The following PAG1 variants were observed in gnomAD, a reference collection of about 807,000 sequenced individuals.
PAG1 encodes the protein phosphoprotein membrane anchor with glycosphingolipid microdomains 1, also known as phosphoprotein associated with glycosphingolipid-enriched microdomains 1.
PAG1 carries 23 observed loss-of-function variants against 31.7 expected under a neutral mutation model. The observed-to-expected ratio is 0.73, with a 90% CI of 0.52 to 1.03. The LOEUF is 1.03. Among genes scored for constraint, PAG1 ranks in the 50% least tolerant of loss-of-function variants. The probability of loss-of-function intolerance (pLI) is 0.00; values close to 1 mark genes in which losing one functional copy is unlikely to be tolerated. For synonymous variants in PAG1, 214 were observed against 210.3 expected (o/e 1.02, Z -0.15); for missense variants, 473 against 540.7 (o/e 0.87, Z 1.24).
Position 80,969,264 on chromosome 8 carries a change from G to A in PAG1, c.*7280C>T, listed in dbSNP as rs1246232046. 1 of 152,118 alleles carries A rather than the reference G, an allele frequency of 6.6e-6. No individual in the cohort carries two copies. The highest frequency in any genetic ancestry group is 1.5e-5 in the Non-Finnish European group (1 of 68,024). The allele number at this position is 152,118 out of a possible 1,614,324, so 9.4% of individuals were successfully genotyped here. A position where few individuals can be genotyped will look rare whatever the true frequency, so the allele number is the denominator to read the frequency against. On this transcript the variant is annotated 3_prime_UTR_variant, in exon 9 of 9. Transcript: ENST00000220597. The stretch of plus-strand genomic sequence containing the variant: ...AAAAAAGCAAGCATGCTTAAGGGAT[G>A]GGTCATGAACACCACATCAGGTTCA...
At chr8:81,021,930 C>G (rs1354701540) in intron 3 of PAG1, among the ~76,000 whole-genome samples, 1 of 152,168 alleles carries the variant, frequency 6.6e-6, no homozygotes, top group Non-Finnish European at 1.5e-5. Flanking sequence ...TCACCATTTA[C>G]TTTAGAGGAG....
chr8:81,017,126 T>C (rs1490761011), intron 3 of PAG1, among the ~76,000 whole-genome samples: 2 of 152,204 alleles, frequency 1.3e-5, no homozygotes, highest in East Asian at 3.8e-4. Flanking sequence ...TAAATACATG[T>C]TCATCTAAAG....
chr8:81,070,471 T>C (rs2130966139), intron 1 of PAG1, among the ~76,000 whole-genome samples: 1 of 152,338 alleles, frequency 6.6e-6, no homozygotes, highest in Non-Finnish European at 1.5e-5. Context: ...ATTATGTCCA[T>C]ACTTCGTTTT....
chr8:81,068,080 A>G (rs989899115), intron 2 of PAG1, among the ~76,000 whole-genome samples: 2 of 152,088 alleles, frequency 1.3e-5, no homozygotes, highest in Non-Finnish European at 1.5e-5. Context: ...TATTTTTAGT[A>G]AAGACGGGGT....
chr8:81,004,879 C>T (rs762635476), intron 3 of PAG1, among the ~76,000 whole-genome samples: 7 of 152,182 alleles, frequency 4.6e-5, no homozygotes, highest in Non-Finnish European at 7.4e-5. Flanking sequence ...CTCCCTCCCA[C>T]GCATGCACTT....
chr8:81,034,409 G>A (rs142821269), intron 2 of PAG1, among the ~76,000 whole-genome samples: 3 of 152,274 alleles, frequency 2.0e-5, no homozygotes, highest in East Asian at 1.9e-4. Flanking sequence ...TAGGATTACC[G>A]GCTGCTCATG....
intron 2 of PAG1, among the ~76,000 whole-genome samples, chr8:81,033,123 T>A (rs997426338): frequency 1.3e-5 from 2 of 152,332 alleles, no homozygotes; most frequent in Admixed American, 1.3e-4. Flanking sequence ...TTGTATGGTA[T>A]GTGAATTGCA....
At chr8:81,079,742 C>G (rs1435552533) in intron 1 of PAG1, among the ~76,000 whole-genome samples, 1 of 151,934 alleles carries the variant, frequency 6.6e-6, no homozygotes, top group Non-Finnish European at 1.5e-5. Context: ...GTATCGCATG[C>G]CATGAAGCAA....
At chr8:81,043,682 C>A (rs1808592684) in intron 2 of PAG1, among the ~76,000 whole-genome samples, 1 of 152,226 alleles carries the variant, frequency 6.6e-6, no homozygotes, top group African/African-American at 2.4e-5. Context: ...TATATCTCAG[C>A]ACATGAGTGA....
At chr8:80,985,496 G>A in intron 6 of PAG1, 119 bp from the exon 7 acceptor site, 1 of 1,012,098 alleles carries the variant, frequency 9.9e-7, no homozygotes, top group South Asian at 1.7e-5. Flanking sequence ...TAAGTCTCAG[G>A]CACAAATTAT....
chr8:81,104,492 T>C (rs573403288), intron 1 of PAG1, among the ~76,000 whole-genome samples: 2 of 151,762 alleles, frequency 1.3e-5, no homozygotes, highest in Non-Finnish European at 2.9e-5. Flanking sequence ...CAGTTCGGCC[T>C]CCGTTTTGAA....
At chr8:81,042,346 A>G (rs973647282) in intron 2 of PAG1, among the ~76,000 whole-genome samples, 1 of 152,204 alleles carries the variant, frequency 6.6e-6, no homozygotes, top group Non-Finnish European at 1.5e-5. Context: ...AAAGCATTTG[A>G]TCACTAACTG....
Position 80,996,361 on chromosome 8 carries a change from G to A in PAG1, c.-80-3054C>T, listed in dbSNP as rs77779711. On this transcript the variant is annotated intron_variant, in intron 3 of 8. Transcript: ENST00000220597. ...ATAATCTTTGATCCTTACAGCAGAC[G>A]TCCTTGGTGGACGGTTCCCATTTTG... is the stretch of plus-strand genomic sequence containing the variant. Among the ~76,000 whole-genome samples, 865 of 152,334 alleles carry A rather than the reference G, an allele frequency of 5.7e-3. 8 individuals carry two copies. Among genetic ancestry groups the A allele is most frequent in the African/African-American group, 0.019 (809 of 41,576 alleles).
chr8:80,984,023 C>A (rs1393856799), intron 7 of PAG1, among the ~76,000 whole-genome samples: 1 of 152,178 alleles, frequency 6.6e-6, no homozygotes, highest in Non-Finnish European at 1.5e-5. Context: ...TGCTACTTGT[C>A]CTTCCTACTA....
rs114161707 is a variant in PAG1, at chr8:81,005,831, C to T, written c.-80-12524G>A. Among the ~76,000 whole-genome samples, 598 of 152,286 alleles carry T rather than the reference C, an allele frequency of 3.9e-3. 3 individuals are homozygous for T. The highest frequency in any genetic ancestry group is 0.012 in the African/African-American group (512 of 41,552). On this transcript the variant is annotated intron_variant, in intron 3 of 8. Coordinates refer to ENST00000220597, the MANE Select transcript of PAG1 (RefSeq NM_018440.4). ...CCCTCCAGAATCCCTCACTCCCTGA[C>T]GTTCTCCCAGTCCTGCCTTGTAACA...
intron 1 of PAG1, among the ~76,000 whole-genome samples, chr8:81,094,132 T>G (rs779992084): frequency 6.6e-6 from 1 of 152,124 alleles, no homozygotes; most frequent in Non-Finnish European, 1.5e-5. Context: ...TTTCTTGTCT[T>G]TTTTTGTTTT....
chr8:81,094,144 C>T (rs1159805468), intron 1 of PAG1, among the ~76,000 whole-genome samples: 4 of 151,920 alleles, frequency 2.6e-5, no homozygotes, highest in African/African-American at 7.3e-5. Context: ...TTTTGTTTTT[C>T]ATCTTCTTCC....
chr8:80,981,630 A>G (rs1807302582), intron 7 of PAG1, among the ~76,000 whole-genome samples: 1 of 151,460 alleles, frequency 6.6e-6, no homozygotes, highest in Non-Finnish European at 1.5e-5. Flanking sequence ...GCGTTAATCT[A>G]TTTTCTTTCC....
chr8:81,109,349 C>G (rs1195270134), intron 1 of PAG1, among the ~76,000 whole-genome samples: 1 of 152,218 alleles, frequency 6.6e-6, no homozygotes, highest in African/African-American at 2.4e-5. Flanking sequence ...TCAAAAAGAA[C>G]ACAGTTTCAA....
Sources: gnomAD v4.1 joint callset for allele counts (sites outside exome capture counted in the v4.1 genomes callset) on GRCh38, gnomAD v4.1.1 for gene constraint, MANE v1.5 for transcripts, NCBI Gene and HGNC (gene_info 2026-07-23, HGNC 2026-07-21) for gene names.